CRAMP1: variants seen among roughly 807,000 people sequenced by gnomAD.
The protein encoded by CRAMP1 is cramped chromatin regulator 1.
Under a neutral mutation model 115.4 loss-of-function variants are expected in CRAMP1, and 50 were observed. The observed-to-expected ratio is 0.43, with a 90% confidence interval of 0.35 to 0.55. The LOEUF is 0.55. Ranked by LOEUF, CRAMP1 falls within the 20% of genes least tolerant of loss-of-function variation. The probability of loss-of-function intolerance (pLI) is 0.01; values close to 1 mark genes in which losing one functional copy is unlikely to be tolerated. For synonymous variants in CRAMP1, 866 were observed against 745.4 expected (o/e 1.16, Z -2.64); for missense variants, 1,679 against 1,721.7 (o/e 0.98, Z 0.44).
rs745884113 is a variant in CRAMP1, at chr16:1,666,539, C to T, written c.2975C>T (p.Ala992Val). ...SPLSSDEVTG[A>V]ISGQDSTGTH... ...CTGTCTTCAGACGAGGTGACGGGTG[C>T]CATCTCGGGGCAGGACTCTACTGGA... Residue 992 changes from alanine to valine, a missense_variant, in exon 16 of 21, where the codon GCC becomes GTC. By Grantham distance (64) the Ala-to-Val change is moderately conservative. This residue lies in a region of CRAMP1 where 709 missense variants were observed against 741.9 expected (regional missense o/e 0.96). Transcript: ENST00000397412. The surrounding 1 kb of genome is among the most constrained non-coding windows in gnomAD (Gnocchi z 5.0). 59 of 1,613,742 alleles carry T rather than the reference C, an allele frequency of 3.7e-5. No homozygotes were observed. Among genetic ancestry groups the T allele is most frequent in the Non-Finnish European group, 7.6e-6 (9 of 1,179,782 alleles).
chr16:1,616,546 C>T (rs1165427862), intron 2 of CRAMP1, among the ~76,000 whole-genome samples: 1 of 152,136 alleles, frequency 6.6e-6, no homozygotes, highest in African/African-American at 2.4e-5. Context: ...GCTGCTGAGA[C>T]GTTAGTGATC....
In CRAMP1 at chr16:1,626,262, A is replaced by G. The variant is rs1596483462; in HGVS notation, c.540+96A>G. ...TGCTTCCTCTTTGCTGTTAGATTCT[A>G]GAACGCAGATTCCTGGGCGACCCCC... is the stretch of plus-strand genomic sequence containing the variant. On this transcript the variant is annotated intron_variant, in intron 3 of 20. Transcript: ENST00000397412. 10 of 1,220,598 alleles carry G rather than the reference A, an allele frequency of 8.2e-6. No homozygotes were observed. In the East Asian group the frequency reaches 2.1e-4, roughly 26 times the overall value. 75.6% of individuals were successfully genotyped at this position (1,220,598 alleles called of 1,614,324 possible). A position where few individuals can be genotyped will look rare whatever the true frequency, so the allele number is the denominator to read the frequency against.
chr16:1,658,368 G>A (rs557262955), intron 10 of CRAMP1, among the ~76,000 whole-genome samples: 2 of 152,324 alleles, frequency 1.3e-5, no homozygotes, highest in South Asian at 2.1e-4. Context: ...GCTTTTGGTG[G>A]GCTCATGGGA....
intron 2 of CRAMP1, among the ~76,000 whole-genome samples, chr16:1,615,499 A>G (rs1222878244): frequency 6.6e-6 from 1 of 152,148 alleles, no homozygotes; most frequent in East Asian, 1.9e-4. Flanking sequence ...TGAGAGTAGG[A>G]AGGGCATAGA....
At chr16:1,613,231 C>G (rs945684731) in intron 1 of CRAMP1, among the ~76,000 whole-genome samples, 4 of 151,634 alleles carry the variant, frequency 2.6e-5, no homozygotes, top group African/African-American at 9.7e-5. Flanking sequence ...TGGTTTTGTT[C>G]TTTGGCAGAG....
At chr16:1,638,687 C>T (rs1567452234) in intron 5 of CRAMP1, among the ~76,000 whole-genome samples, 1 of 152,178 alleles carries the variant, frequency 6.6e-6, no homozygotes, top group East Asian at 1.9e-4. Context: ...CCCCCCTCTT[C>T]AGTGGGATAC....
chr16:1,652,437 C>T (rs1459114779), intron 6 of CRAMP1, 59 bp from the exon 7 acceptor site: 10 of 1,456,712 alleles, frequency 6.9e-6, no homozygotes, highest in African/African-American at 1.4e-5. Context: ...CGTGTGCTGG[C>T]CCTTCCGTCC....
intron 18 of CRAMP1, 83 bp from the exon 19 acceptor site, chr16:1,668,918 C>A: frequency 7.2e-7 from 1 of 1,384,046 alleles, no homozygotes; most frequent in South Asian, 1.2e-5. Flanking sequence ...GCCCTGCTGC[C>A]TTCTCCGTGG....
intron 5 of CRAMP1, among the ~76,000 whole-genome samples, chr16:1,640,325 G>A (rs1442990752): frequency 1.3e-5 from 2 of 152,300 alleles, no homozygotes; most frequent in South Asian, 2.1e-4. Context: ...ACCGTTGTCT[G>A]CTGCCTCTTG....
chr16:1,616,620 T>C (rs1319044597), intron 2 of CRAMP1, among the ~76,000 whole-genome samples: 1 of 152,132 alleles, frequency 6.6e-6, no homozygotes, highest in Non-Finnish European at 1.5e-5. Flanking sequence ...TGAGAGTGGC[T>C]TGCTAAGGTG....
rs1043685047 is a variant in CRAMP1 at position 1,612,360 on chromosome 16, G to A, written c.-299G>A. 1.4e-4 allele frequency: 21 copies of A among 152,072 alleles called. No individual in the cohort carries two copies. The highest frequency in any genetic ancestry group is 4.6e-4 in the African/African-American group (19 of 41,482). The allele number at this position is 152,072 out of a possible 1,614,324, so 9.4% of individuals were successfully genotyped here. A position where few individuals can be genotyped will look rare whatever the true frequency, so the allele number is the denominator to read the frequency against. On this transcript the variant is annotated 5_prime_UTR_variant, in exon 1 of 21. Coordinates refer to ENST00000397412, the MANE Select transcript of CRAMP1 (RefSeq NM_020825.4). ...GGCCCCGCCCCCGCGCGCCGTCCGT[G>A]AGGTCCCCACCGGCCGCCGTAGCCG...
In CRAMP1 at chr16:1,656,703, C is replaced by G; in HGVS notation, c.1946C>G (p.Pro649Arg). 1.3e-6 allele frequency: 2 copies of G among 1,556,248 alleles called. No individual in the cohort carries two copies. The highest frequency in any genetic ancestry group is 1.7e-6 in the Non-Finnish European group (2 of 1,150,738). The change falls in exon 10 of 21, where the codon CCT becomes CGT. Residue 649 changes from proline to arginine, a missense_variant. Transcript: ENST00000397412. This position sits in a 1 kb window ranked among gnomAD's most constrained non-coding sequence, Gnocchi z 5.6. The stretch of plus-strand genomic sequence containing the variant: ...CAGGAGAAGGGGAGCCCCGCGGGGC[C>G]TCCGCCGTCTCAGGGACAGCCTGCC... ...ELQEKGSPAG[P>R]PPSQGQPAAR...
intron 5 of CRAMP1, among the ~76,000 whole-genome samples, chr16:1,640,832 G>A (rs183316674): frequency 3.3e-5 from 5 of 152,278 alleles, no homozygotes; most frequent in African/African-American, 7.2e-5. Flanking sequence ...CCGGCGCTGG[G>A]GGACCTAGGA....
At chr16:1,662,377 G>T (rs771400307) in intron 11 of CRAMP1, 113 bp from the exon 12 acceptor site, 3 of 816,362 alleles carry the variant, frequency 3.7e-6, no homozygotes, top group South Asian at 3.2e-5. Flanking sequence ...CAAGGCAGCC[G>T]AACGGGTTGC....
At chr16:1,660,852 C>T (rs1388075028) in intron 11 of CRAMP1, among the ~76,000 whole-genome samples, 4 of 151,962 alleles carry the variant, frequency 2.6e-5, no homozygotes, top group Non-Finnish European at 5.9e-5. Flanking sequence ...ACTAAAAATA[C>T]AAAAAACTAG....
intron 2 of CRAMP1, among the ~76,000 whole-genome samples, chr16:1,623,415 C>T (rs546975165): frequency 6.6e-6 from 1 of 152,264 alleles, no homozygotes; most frequent in Admixed American, 6.5e-5. Context: ...TACTGTTTCA[C>T]TCTCCTTGTC....
chr16:1,654,550 A>G lies in CRAMP1; in HGVS notation c.1038-669A>G, dbSNP rs138869395. 5.3e-3 allele frequency among the ~76,000 whole-genome samples: 814 copies of G among 152,302 alleles called. 9 individuals carry two copies. Among genetic ancestry groups the G allele is most frequent in the African/African-American group, 0.018 (737 of 41,578 alleles). ...CTAAGTTTGCAGTTCAGGGGCATTT[A>G]ACACGATCACATTGTTCTGTGGCCA... On this transcript the variant is annotated intron_variant, in intron 8 of 20. Coordinates refer to ENST00000397412, the MANE Select transcript of CRAMP1 (RefSeq NM_020825.4).
chr16:1,659,908 C>T lies in CRAMP1; in HGVS notation c.2258C>T (p.Ser753Phe). The change falls in exon 11 of 21, where the codon TCT becomes TTT. Residue 753 changes from serine to phenylalanine, a missense_variant. Around this residue, in one of 8 missense-constraint regions of CRAMP1, gnomAD observed 709 missense variants for 741.9 expected, o/e 0.96. Coordinates refer to ENST00000397412, the MANE Select transcript of CRAMP1 (RefSeq NM_020825.4). ...PKLALEANTI[S>F]TASVRPAQEE... ...TAGGCTCTGGAAGCAAACACCATCT[C>T]TACAGCCTCAGTAAGGCCCGCCCAG... The T allele has an allele frequency of 6.2e-7, 1 of 1,613,352 alleles. No homozygotes were observed. The highest frequency in any genetic ancestry group is 8.5e-7 in the Non-Finnish European group (1 of 1,179,840).
chr16:1,667,894 G>C, intron 17 of CRAMP1, 68 bp from the exon 18 acceptor site: 1 of 989,058 alleles, frequency 1.0e-6, no homozygotes, highest in Non-Finnish European at 1.6e-6. Flanking sequence ...GAGTAAGCTG[G>C]TGTTTCTTCC....
Sources: allele counts gnomAD v4.1 joint callset (sites outside exome capture counted in the v4.1 genomes callset), GRCh38; gene constraint gnomAD v4.1.1; regional missense constraint gnomAD v4.1.1; non-coding constraint Gnocchi (gnomAD v3.1); transcripts MANE v1.5; gene names NCBI Gene and HGNC (gene_info 2026-07-23, HGNC 2026-07-21).